The following KLHL4 variants were observed in gnomAD, a reference collection of about 807,000 sequenced individuals.
KLHL4 encodes kelch like family member 4.
Under a neutral mutation model 45.8 loss-of-function variants are expected in KLHL4, and 17 were observed. The ratio of observed to expected loss-of-function variants is 0.37; its 90% CI spans 0.25 to 0.56. The LOEUF (loss-of-function observed/expected upper bound fraction) is 0.56, where lower values mean the gene tolerates loss of function less well. Among genes scored for constraint, KLHL4 ranks in the 20% least tolerant of loss-of-function variants. The pLI, the probability that KLHL4 is intolerant of heterozygous loss-of-function variation, is 0.79. For missense variants in KLHL4, 544 were observed against 544.9 expected (o/e 1.00, Z 0.02); for synonymous variants, 224 against 189.9 (o/e 1.18, Z -1.47).
intron 1 of KLHL4, among the ~76,000 whole-genome samples, chrX:87,601,662 T>G (rs778877048): frequency 9.0e-6 from 1 of 111,324 alleles, no homozygotes; most frequent in African/African-American, 3.3e-5. Flanking sequence ...AGAGAGAGTT[T>G]AACGACTAAC....
At chrX:87,565,737 T>C (rs1449369856) in intron 1 of KLHL4, among the ~76,000 whole-genome samples, 2 of 90,479 alleles carry the variant, frequency 2.2e-5, no homozygotes, top group African/African-American at 8.3e-5. Flanking sequence ...GGGACACTAC[T>C]GCTGATCTTA....
intron 1 of KLHL4, among the ~76,000 whole-genome samples, chrX:87,542,572 G>T (rs1406135176): frequency 8.9e-6 from 1 of 112,528 alleles, no homozygotes; most frequent in Non-Finnish European, 1.9e-5. Context: ...GACATGCATG[G>T]GTCATGTGGC....
intron 9 of KLHL4, among the ~76,000 whole-genome samples, chrX:87,660,133 A>C (rs998218217): frequency 2.7e-5 from 3 of 111,736 alleles, no homozygotes; most frequent in Admixed American, 9.5e-5. Flanking sequence ...GATTCCACAA[A>C]AATTTTAAAT....
intron 1 of KLHL4, among the ~76,000 whole-genome samples, chrX:87,519,577 A>G (rs1930961509): frequency 8.9e-6 from 1 of 112,493 alleles, no homozygotes; most frequent in Admixed American, 9.5e-5. Context: ...ACTTCTCAGG[A>G]AATAAAGCAC....
In KLHL4 at chrX:87,669,602, A is replaced by G. The variant is rs1397561104; in HGVS notation, c.*3068A>G. On this transcript the variant is annotated 3_prime_UTR_variant, in exon 11 of 11. Transcript: ENST00000373119. ...CTTGAGATCTTAGTCTAGGTAAAGA[A>G]AAAAAAAAAAAGGTCATGAAACACA... 6.9e-6 allele frequency: 2 copies of G among 289,341 alleles called. No homozygotes were observed. The highest frequency in any genetic ancestry group is 6.1e-5 in the East Asian group (1 of 16,317). 23.8% of individuals were successfully genotyped at this position (289,341 alleles called of 1,213,427 possible).
At chrX:87,541,487 T>A (rs1342590258) in intron 1 of KLHL4, among the ~76,000 whole-genome samples, 1 of 37,407 alleles carries the variant, frequency 2.7e-5, no homozygotes, top group Non-Finnish European at 4.2e-5. Context: ...AGAGACTCCA[T>A]CTCACAAAAA....
intron 1 of KLHL4, among the ~76,000 whole-genome samples, chrX:87,532,255 A>G (rs2147767262): frequency 9.1e-6 from 1 of 109,783 alleles, no homozygotes; most frequent in African/African-American, 3.3e-5. Context: ...GATATGCAGC[A>G]TTATTTCTGA....
intron 10 of KLHL4, among the ~76,000 whole-genome samples, chrX:87,665,247 T>C (rs1356456043): frequency 9.0e-6 from 1 of 111,699 alleles, no homozygotes; most frequent in Admixed American, 9.5e-5. Context: ...AATACTTCAG[T>C]AATAAATAAA....
At position 87,641,097 on chromosome X, in the gene KLHL4, G is replaced by A. The variant is rs191102644; in HGVS notation, c.1925+5322G>A. Among the ~76,000 whole-genome samples the A allele has an allele frequency of 5.4e-4, 60 of 111,790 alleles. No homozygotes were observed. In the East Asian group the frequency reaches 6.5e-3, roughly 12 times the overall value. ...CAGACAGAGCAGCATGCAGAGGCTCGCATTGTGAATTTTAGCTCCAGATGG... is the reference window on the plus strand; with the variant it reads ...CAGACAGAGCAGCATGCAGAGGCTCACATTGTGAATTTTAGCTCCAGATGG... On this transcript the variant is annotated intron_variant, in intron 9 of 10. Coordinates refer to ENST00000373119, the MANE Select transcript of KLHL4 (RefSeq NM_019117.5).
At chrX:87,590,304 C>T (rs1052357703) in intron 1 of KLHL4, among the ~76,000 whole-genome samples, 2 of 109,196 alleles carry the variant, frequency 1.8e-5, no homozygotes, top group Non-Finnish European at 3.8e-5. Context: ...ATCAGCCAAA[C>T]CCCCCCAGAA....
chrX:87,565,968 G>C (rs768041602), intron 1 of KLHL4, among the ~76,000 whole-genome samples: 1 of 110,228 alleles, frequency 9.1e-6, no homozygotes, highest in African/African-American at 3.3e-5. Flanking sequence ...GTTGAGGGGT[G>C]GGGGGCGAGA....
At chrX:87,529,734 C>T (rs749736562) in intron 1 of KLHL4, among the ~76,000 whole-genome samples, 6 of 111,780 alleles carry the variant, frequency 5.4e-5, no homozygotes, top group Admixed American at 3.8e-4. Context: ...GATTTGGAGA[C>T]ATAAAACCAT....
intron 1 of KLHL4, among the ~76,000 whole-genome samples, chrX:87,599,778 A>G (rs773738093): frequency 1.8e-5 from 2 of 111,890 alleles, no homozygotes; most frequent in South Asian, 3.7e-4. Flanking sequence ...GTTCACCACT[A>G]CTACCTCTCT....
At chrX:87,629,584 T>C (rs757064784) in intron 6 of KLHL4, among the ~76,000 whole-genome samples, 1 of 111,716 alleles carries the variant, frequency 9.0e-6, no homozygotes, top group South Asian at 3.7e-4. Flanking sequence ...TTCTACAATT[T>C]TCTAATTACC....
chrX:87,613,735 A>G (rs1368137487), intron 1 of KLHL4, 142 bp from the exon 2 acceptor site: 1 of 392,369 alleles, frequency 2.5e-6, no homozygotes, highest in East Asian at 4.3e-5. Context: ...ACAGATTTTA[A>G]TTTTACTTTA....
intron 1 of KLHL4, among the ~76,000 whole-genome samples, chrX:87,563,536 T>A (rs781049301): frequency 9.6e-6 from 1 of 104,684 alleles, no homozygotes; most frequent in East Asian, 3.1e-4. Context: ...AACAGTAGAA[T>A]TGATCAAGCA....
At chrX:87,535,978 C>A (rs1199736280) in intron 1 of KLHL4, among the ~76,000 whole-genome samples, 1 of 110,128 alleles carries the variant, frequency 9.1e-6, no homozygotes, top group Non-Finnish European at 1.9e-5. Context: ...TCCCAGAAGC[C>A]AAGCAGATGC....
intron 1 of KLHL4, among the ~76,000 whole-genome samples, chrX:87,542,166 G>A (rs1057289821): frequency 1.8e-5 from 2 of 112,182 alleles, no homozygotes; most frequent in African/African-American, 6.5e-5. Flanking sequence ...ACAAAGAGAT[G>A]ATTTGAAATT....
chrX:87,614,358 C>T, intron 2 of KLHL4, 76 bp from the exon 3 acceptor site: 1 of 991,718 alleles, frequency 1.0e-6, no homozygotes, highest in Non-Finnish European at 1.4e-6. Context: ...GTGTTACAAA[C>T]TTGCTGAATC....
Sources: allele counts gnomAD v4.1 joint callset (sites outside exome capture counted in the v4.1 genomes callset), GRCh38; gene constraint gnomAD v4.1.1; transcripts MANE v1.5; gene names NCBI Gene and HGNC (gene_info 2026-07-23, HGNC 2026-07-21).